MUSK: variants seen among roughly 807,000 people sequenced by gnomAD.
MUSK encodes the protein muscle, skeletal receptor tyrosine-protein kinase.
A neutral mutation model predicts 88.7 loss-of-function variants in MUSK; 55 were observed. The ratio of observed to expected loss-of-function variants is 0.62; its 90% confidence interval spans 0.50 to 0.78. The LOEUF is 0.78. MUSK is among the 30% of genes least tolerant of loss of function. The probability of loss-of-function intolerance (pLI) is 0.00; values close to 1 mark genes in which losing one functional copy is unlikely to be tolerated. For missense variants in MUSK, 1,015 were observed against 1,074.3 expected (o/e 0.94, Z 0.77); for synonymous variants, 387 against 391.9 (o/e 0.99, Z 0.15).
At chr9:110,704,810 C>T (rs769098131) in intron 5 of MUSK, among the ~76,000 whole-genome samples, 1 of 151,566 alleles carries the variant, frequency 6.6e-6, no homozygotes, top group African/African-American at 2.4e-5. Flanking sequence ...ATGGTGAAAC[C>T]CCATCTCTAC....
At position 110,806,227 on chromosome 9, in the gene MUSK, C is replaced by T. The variant is rs956064802; in HGVS notation, c.*5239C>T. Among the ~76,000 whole-genome samples the T allele has an allele frequency of 6.6e-6, 1 of 152,034 alleles. No homozygotes were observed. The highest frequency in any genetic ancestry group is 1.9e-4 in the East Asian group (1 of 5,198). On this transcript the variant is annotated 3_prime_UTR_variant, in exon 15 of 15. Coordinates refer to ENST00000374448, the MANE Select transcript of MUSK (RefSeq NM_005592.4). Reference sequence around the variant, plus strand: ...TATGCAGCACTCTGACTCAAACTCCCTTTCTTTTTCCTGAGATATGTTAAC... The same window carrying T: ...TATGCAGCACTCTGACTCAAACTCCTTTTCTTTTTCCTGAGATATGTTAAC...
chr9:110,685,283 C>T (rs1486075062), intron 2 of MUSK, among the ~76,000 whole-genome samples: 1 of 152,086 alleles, frequency 6.6e-6, no homozygotes, highest in Non-Finnish European at 1.5e-5. Context: ...ATATGTTGAA[C>T]TATCCTTGTA....
intron 3 of MUSK, among the ~76,000 whole-genome samples, chr9:110,689,720 TTATA>T (rs1250674093): frequency 1.8e-5 from 1 of 57,038 alleles, no homozygotes; most frequent in East Asian, 3.3e-4. Flanking sequence ...ACTATATATG[TTATA>T]TATAGTTTAT....
chr9:110,732,784 G>T (rs2076982201), intron 5 of MUSK, among the ~76,000 whole-genome samples: 1 of 151,836 alleles, frequency 6.6e-6, no homozygotes, highest in Non-Finnish European at 1.5e-5. Context: ...CACCTTCCTT[G>T]CATTTCTTTT....
intron 1 of MUSK, among the ~76,000 whole-genome samples, chr9:110,679,940 T>A (rs1360709121): frequency 6.6e-6 from 1 of 152,176 alleles, no homozygotes; most frequent in Non-Finnish European, 1.5e-5. Flanking sequence ...CAAAAATTTG[T>A]GATTTTTTAA....
intron 11 of MUSK, among the ~76,000 whole-genome samples, chr9:110,777,026 C>G (rs916623511): frequency 5.9e-5 from 9 of 152,078 alleles, no homozygotes; most frequent in African/African-American, 2.2e-4. Flanking sequence ...ACATTTATTT[C>G]TTCATTGAGC....
chr9:110,793,756 A>T (rs1209046170), intron 14 of MUSK, among the ~76,000 whole-genome samples: 1 of 2,622 alleles, frequency 3.8e-4, no homozygotes, highest in Admixed American at 3.3e-3. Context: ...AATTATAACA[A>T]ACTATCTCTC....
chr9:110,742,621 T>C (rs1419236213), intron 6 of MUSK, among the ~76,000 whole-genome samples: 1 of 152,218 alleles, frequency 6.6e-6, no homozygotes, highest in African/African-American at 2.4e-5. Flanking sequence ...TTATTCTCTG[T>C]CGAAGTTTAG....
At chr9:110,689,039 T>C (rs1487839188) in intron 3 of MUSK, among the ~76,000 whole-genome samples, 1 of 135,376 alleles carries the variant, frequency 7.4e-6, no homozygotes, top group East Asian at 2.1e-4. Flanking sequence ...CGTATAACTA[T>C]ATATTTAAAT....
At chr9:110,689,929 A>G (rs1281860474) in intron 3 of MUSK, among the ~76,000 whole-genome samples, 4 of 92,658 alleles carry the variant, frequency 4.3e-5, no homozygotes, top group African/African-American at 2.0e-4. Context: ...ATTTAAATAT[A>G]ATATATAAAT....
chr9:110,741,497 G>A (rs947753437), intron 6 of MUSK, among the ~76,000 whole-genome samples: 2 of 151,986 alleles, frequency 1.3e-5, no homozygotes, highest in East Asian at 3.9e-4. Flanking sequence ...AACAAAGTGC[G>A]TCAATGTGTG....
chr9:110,670,972 A>G (rs1312921376), intron 1 of MUSK, among the ~76,000 whole-genome samples: 1 of 143,976 alleles, frequency 6.9e-6, no homozygotes, highest in Non-Finnish European at 1.5e-5. Context: ...TATTATTTTC[A>G]TTATTATTAT....
chr9:110,690,585 A>T (rs867010777), intron 3 of MUSK, among the ~76,000 whole-genome samples: 3 of 40,598 alleles, frequency 7.4e-5, no homozygotes, highest in African/African-American at 1.3e-4. Context: ...TATATATTTA[A>T]ATATAAGTAT....
intron 1 of MUSK, among the ~76,000 whole-genome samples, chr9:110,676,284 CAT>C (rs2076025977): frequency 8.0e-6 from 1 of 125,314 alleles, no homozygotes; most frequent in Non-Finnish European, 1.8e-5. Context: ...CTCTTTCTCT[CAT>C]ATATGTGTGT....
chr9:110,775,753 A>G, intron 9 of MUSK, 35 bp from the exon 10 acceptor site: 1 of 1,593,556 alleles, frequency 6.3e-7, no homozygotes, highest in Non-Finnish European at 8.6e-7. Flanking sequence ...ACATGTAATG[A>G]TTCATCAAGT....
At chr9:110,707,170 C>A (rs1232071299) in intron 5 of MUSK, among the ~76,000 whole-genome samples, 1 of 151,886 alleles carries the variant, frequency 6.6e-6, no homozygotes, top group African/African-American at 2.4e-5. Flanking sequence ...GGTGACATGG[C>A]AAAAACCTCA....
chr9:110,690,019 T>C (rs1342203635), intron 3 of MUSK, among the ~76,000 whole-genome samples: 1 of 91,648 alleles, frequency 1.1e-5, no homozygotes, highest in Non-Finnish European at 1.8e-5. Context: ...AAATATATAA[T>C]ATATATTATA....
At chr9:110,690,238 G>C (rs1166949188) in intron 3 of MUSK, among the ~76,000 whole-genome samples, 1 of 55,868 alleles carries the variant, frequency 1.8e-5, no homozygotes, top group African/African-American at 1.4e-4. Context: ...ATATATTTAA[G>C]TATATATAAA....
At chr9:110,763,158 G>C (rs1407401803) in intron 8 of MUSK, among the ~76,000 whole-genome samples, 1 of 152,068 alleles carries the variant, frequency 6.6e-6, no homozygotes, top group East Asian at 1.9e-4. Context: ...ATACCATTTG[G>C]ATGTATATAT....
Sources: allele counts gnomAD v4.1 joint callset (sites outside exome capture counted in the v4.1 genomes callset), GRCh38; gene constraint gnomAD v4.1.1; transcripts MANE v1.5; gene names NCBI Gene and HGNC (gene_info 2026-07-23, HGNC 2026-07-21).